DOCK8: variants seen among roughly 807,000 people sequenced by gnomAD.
The protein encoded by DOCK8 is dedicator of cytokinesis 8, also known as dedicator of cytokinesis protein 8.
DOCK8 carries 141 observed loss-of-function variants against 245.6 expected under a neutral mutation model. The observed-to-expected ratio is 0.57, with a 90% CI of 0.50 to 0.66. The LOEUF is 0.66. DOCK8 is among the 30% of genes least tolerant of loss of function. The pLI is 0.00. For synonymous variants in DOCK8, 1,168 were observed against 970.2 expected, an observed-to-expected ratio of 1.20 and a Z score of -3.79; for missense variants, 2,965 against 2,603.4, an observed-to-expected ratio of 1.14 and a Z score of -3.02.
At chr9:314,212 A>T (rs75790636) in intron 6 of DOCK8, 1 of 152,204 alleles carries the variant, frequency 6.6e-6, no homozygotes, top group African/African-American at 2.4e-5. Flanking sequence ...CATCCACGAC[A>T]TTAAGACTTT....
chr9:230,185 G>C (rs531979965), intron 1 of DOCK8, among the ~76,000 whole-genome samples: 1 of 151,736 alleles, frequency 6.6e-6, no homozygotes, highest in Admixed American at 6.6e-5. Flanking sequence ...ATAGTTTGCT[G>C]AGAATGATGG....
At chr9:378,283 G>A (rs1192170424) in intron 20 of DOCK8, among the ~76,000 whole-genome samples, 2 of 152,202 alleles carry the variant, frequency 1.3e-5, no homozygotes, top group African/African-American at 4.8e-5. Flanking sequence ...AGTGAAAACC[G>A]ACAGAATAGG....
chr9:215,704 G>C (rs2046734545), intron 1 of DOCK8: 3 of 317,834 alleles, frequency 9.4e-6, no homozygotes, highest in Admixed American at 5.1e-5. Context: ...CTAAGGACTG[G>C]GGGATCCCAA....
chr9:299,729 T>C lies in DOCK8; in HGVS notation c.405-4852T>C, dbSNP rs554495400. Among the ~76,000 whole-genome samples the C allele has an allele frequency of 3.9e-5, 6 of 152,114 alleles. No individual in the cohort carries two copies. The South Asian group carries it at 1.3e-3, about 32-fold the overall frequency. ...TCAAGCGGCCAGGGGATGCTGAAGATGGCCCATTATGGCCGGGCGCGGTGG... is the reference window on the plus strand; with the variant it reads ...TCAAGCGGCCAGGGGATGCTGAAGACGGCCCATTATGGCCGGGCGCGGTGG... On this transcript the variant is annotated intron_variant, in intron 4 of 47. Coordinates refer to ENST00000432829, the MANE Select transcript of DOCK8 (RefSeq NM_203447.4).
rs1564016620 is a variant in DOCK8 at position 400,945 on chromosome 9, CA to C, written c.3234+1687del. On this transcript the variant is annotated intron_variant, in intron 26 of 47. Coordinates refer to ENST00000432829, the MANE Select transcript of DOCK8 (RefSeq NM_203447.4). Reference sequence around the variant, plus strand: ...CCATCACCACAACATCCACCACCACCATCACCACCACCACCACCACCTCCTC... The same window carrying C: ...CCATCACCACAACATCCACCACCACCTCACCACCACCACCACCACCTCCTC... Among the ~76,000 whole-genome samples, 174 of 117,496 alleles carry C rather than the reference CA, an allele frequency of 1.5e-3. 53 individuals carry two copies. Among genetic ancestry groups the C allele is most frequent in the Middle Eastern group, 8.7e-3 (2 of 230 alleles). The allele number at this position is 117,496 out of a possible 152,430, so 77.1% of individuals were successfully genotyped here.
intron 1 of DOCK8, among the ~76,000 whole-genome samples, chr9:248,609 C>A (rs941969431): frequency 1.3e-5 from 2 of 150,460 alleles, no homozygotes; most frequent in African/African-American, 4.9e-5. Context: ...TTCTTTCTTT[C>A]CATCTTCTTT....
At chr9:362,653 G>T (rs751835546) in intron 14 of DOCK8, among the ~76,000 whole-genome samples, 5 of 152,294 alleles carry the variant, frequency 3.3e-5, no homozygotes, top group African/African-American at 9.6e-5. Flanking sequence ...CTAAAGAGGT[G>T]TTCAAAGGGT....
chr9:240,800 C>T (rs1439820627), intron 1 of DOCK8, among the ~76,000 whole-genome samples: 1 of 152,096 alleles, frequency 6.6e-6, no homozygotes, highest in African/African-American at 2.4e-5. Context: ...GGAAACAGAT[C>T]ATCTGTAAGT....
At chr9:296,380 T>C (rs1210663880) in intron 4 of DOCK8, among the ~76,000 whole-genome samples, 1 of 152,206 alleles carries the variant, frequency 6.6e-6, no homozygotes, top group Non-Finnish European at 1.5e-5. Flanking sequence ...TCTTAAGAAA[T>C]TAAACTTGTT....
chr9:414,867 G>C lies in DOCK8; in HGVS notation c.3616G>C (p.Glu1206Gln), dbSNP rs751129590. ...CCTGGACCCACGCTGTGTCAAACCA[G>C]AGGTGAAGGTCAAAATCGCCGCCCT... The part of the protein sequence containing the change: ...HDLDPRCVKP[E>Q]VKVKIAALYL... Residue 1206 changes from glutamate to glutamine, a missense_variant, in exon 29 of 48, where the codon GAG becomes CAG. By Grantham distance (29) the Glu-to-Gln change is conservative. This residue lies in a region of DOCK8 where 2,825 missense variants were observed against 2,453.5 expected (regional missense o/e 1.15). Transcript: ENST00000432829. 6.2e-7 allele frequency: 1 copy of C among 1,614,226 alleles called. No homozygotes were observed. Among genetic ancestry groups the C allele is most frequent in the Non-Finnish European group, 8.5e-7 (1 of 1,180,040 alleles).
chr9:391,872 C>T (rs1480780913), intron 24 of DOCK8, among the ~76,000 whole-genome samples: 3 of 138,308 alleles, frequency 2.2e-5, no homozygotes, highest in Non-Finnish European at 3.0e-5. Context: ...GGTGTGGTGG[C>T]TCACACTTGT....
At chr9:256,965 A>C (rs1485677578) in intron 1 of DOCK8, among the ~76,000 whole-genome samples, 1 of 152,172 alleles carries the variant, frequency 6.6e-6, no homozygotes, top group Non-Finnish European at 1.5e-5. Flanking sequence ...GTCATTCTAC[A>C]ACTTTCCTGA....
intron 46 of DOCK8, among the ~76,000 whole-genome samples, chr9:461,617 C>G (rs1458599416): frequency 3.6e-5 from 5 of 140,312 alleles, no homozygotes; most frequent in Non-Finnish European, 6.1e-5. Flanking sequence ...TCTTGGCTCA[C>G]TGCAACCTCC....
intron 23 of DOCK8, among the ~76,000 whole-genome samples, chr9:387,538 A>T (rs970489359): frequency 6.6e-6 from 1 of 152,178 alleles, no homozygotes; most frequent in Non-Finnish European, 1.5e-5. Context: ...GGAAATGTTT[A>T]TTAAACAGGC....
At chr9:451,945 G>A (rs199705158) in intron 45 of DOCK8, 66 bp from the exon 46 acceptor site, 77 of 268,172 alleles carry the variant, frequency 2.9e-4, no homozygotes, top group African/African-American at 2.0e-3. Context: ...ATATATATAT[G>A]TGTGTGTGTG....
chr9:454,017 A>G (rs998685758), intron 46 of DOCK8, among the ~76,000 whole-genome samples: 1 of 152,230 alleles, frequency 6.6e-6, no homozygotes, highest in African/African-American at 2.4e-5. Flanking sequence ...GCATGGCTGA[A>G]TAATAGAATG....
chr9:243,949 C>T (rs2047440515), intron 1 of DOCK8, among the ~76,000 whole-genome samples: 1 of 152,060 alleles, frequency 6.6e-6, no homozygotes, highest in Admixed American at 6.6e-5. Context: ...CTTTGGGAGG[C>T]CGAGGCGGGC....
intron 1 of DOCK8, among the ~76,000 whole-genome samples, chr9:225,641 GAATAAGATAGACAGGGTTCTTATTCTAA>G (rs1244228430): frequency 6.6e-6 from 1 of 152,176 alleles, no homozygotes; most frequent in Non-Finnish European, 1.5e-5. Context: ...ATAGAGTCAT[GAATAAGATAGACAGGGTTCTTATTCTAA>G]AAAAAGTAAT....
At chr9:270,753 C>G (rs1397885578) in intron 1 of DOCK8, among the ~76,000 whole-genome samples, 1 of 152,144 alleles carries the variant, frequency 6.6e-6, no homozygotes, top group African/African-American at 2.4e-5. Flanking sequence ...CCTCAGTAAT[C>G]TCTGTTAGTT....
Sources: gnomAD v4.1 joint callset for allele counts (sites outside exome capture counted in the v4.1 genomes callset) on GRCh38, gnomAD v4.1.1 for gene constraint, gnomAD v4.1.1 regional missense constraint, MANE v1.5 for transcripts, NCBI Gene and HGNC (gene_info 2026-07-23, HGNC 2026-07-21) for gene names.